FMO4: variants seen among roughly 807,000 people sequenced by gnomAD.
FMO4 encodes dimethylaniline monooxygenase [N-oxide-forming] 4.
A neutral mutation model predicts 43.3 loss-of-function variants in FMO4; 38 were observed. The observed-to-expected ratio is 0.88, with a 90% CI of 0.68 to 1.15. FMO4 has a LOEUF of 1.15. Ranked by LOEUF, FMO4 falls within the 50% of genes most tolerant of loss-of-function variation. The pLI is 0.00. For missense variants in FMO4, 631 were observed against 663.3 expected (o/e 0.95, Z 0.54); for synonymous variants, 224 against 232.2 (o/e 0.96, Z 0.32).
At chr1:171,324,472 T>A (rs1662578392) in intron 5 of FMO4, among the ~76,000 whole-genome samples, 172 bp downstream of exon 5, 1 of 152,320 alleles carries the variant, frequency 6.6e-6, no homozygotes, top group South Asian at 2.1e-4. Flanking sequence ...TATGTAGGTG[T>A]CAGGTCTTAT....
chr1:171,320,887 G>T (rs973679648), intron 3 of FMO4, among the ~76,000 whole-genome samples: 2 of 152,100 alleles, frequency 1.3e-5, no homozygotes, highest in Non-Finnish European at 2.9e-5. Context: ...TGCTATAGGG[G>T]AAAAGAAGAG....
intron 1 of FMO4, among the ~76,000 whole-genome samples, chr1:171,314,793 GGAT>G (rs1662129198): frequency 6.6e-6 from 1 of 152,102 alleles, no homozygotes; most frequent in African/African-American, 2.4e-5. Context: ...GAGCATGGTA[GGAT>G]GATGATAAGA....
At chr1:171,328,994 A>G (rs772251594) in intron 5 of FMO4, among the ~76,000 whole-genome samples, 4 of 152,182 alleles carry the variant, frequency 2.6e-5, no homozygotes, top group African/African-American at 4.8e-5. Context: ...AACTGTATGT[A>G]ATGTAAAAGC....
chr1:171,332,558 C>T, intron 6 of FMO4, 151 bp from the exon 7 acceptor site: 1 of 570,940 alleles, frequency 1.8e-6, no homozygotes, highest in Non-Finnish European at 3.1e-6. Context: ...GCAATAGGAA[C>T]AGATAATCGT....
chr1:171,330,940 CA>C (rs1360636081), intron 5 of FMO4, among the ~76,000 whole-genome samples: 3 of 152,102 alleles, frequency 2.0e-5, no homozygotes, highest in Admixed American at 6.5e-5. Context: ...GAATAAAACA[CA>C]AATAAGCATA....
chr1:171,327,258 T>G (rs371028348), intron 5 of FMO4, among the ~76,000 whole-genome samples: 20 of 152,196 alleles, frequency 1.3e-4, no homozygotes, highest in African/African-American at 4.8e-4. Context: ...GAAAATCCCC[T>G]TCAAATGCCT....
Position 171,334,766 on chromosome 1 carries a change from A to G in FMO4, c.1180+3A>G, listed in dbSNP as rs369013232. The G allele has an allele frequency of 4.9e-4, 732 of 1,503,718 alleles. No individual in the cohort carries two copies. The highest frequency in any genetic ancestry group is 2.0e-3 in the Middle Eastern group (11 of 5,638). 93.1% of individuals were successfully genotyped at this position (1,503,718 alleles called of 1,614,324 possible). A position where few individuals can be genotyped will look rare whatever the true frequency, so the allele number is the denominator to read the frequency against. ...ATGGGTCACAAGAGTATTCAAAGGT[A>G]CCATGACTCTACTGAAAGTCCTCTC... On this transcript the variant is annotated splice_donor_region_variant and intron_variant, in intron 8 of 9. Transcript: ENST00000367749.
chr1:171,330,442 A>AC (rs1223845527), intron 5 of FMO4, among the ~76,000 whole-genome samples: 1 of 152,154 alleles, frequency 6.6e-6, no homozygotes, highest in African/African-American at 2.4e-5. Context: ...ATAAAGACAC[A>AC]CCCAAGACTG....
At chr1:171,328,023 T>C (rs747965455) in intron 5 of FMO4, among the ~76,000 whole-genome samples, 2 of 152,024 alleles carry the variant, frequency 1.3e-5, no homozygotes, top group Non-Finnish European at 2.9e-5. Flanking sequence ...TACATCCCCA[T>C]TAGAGGACAA....
chr1:171,318,316 A>AAATAATAATAATAAT lies in FMO4; in HGVS notation c.-8-1488_-8-1474dup, dbSNP rs536741358. On this transcript the variant is annotated intron_variant, in intron 2 of 9. Transcript: ENST00000367749. ...TGGGTGACAGAGCAAGACTGTCTCA[A>AAATAATAATAATAAT]AATAATAATAATAATAATAATAATA... Among the ~76,000 whole-genome samples, 1,199 of 149,012 alleles carry AAATAATAATAATAAT rather than the reference A, an allele frequency of 8.0e-3. 14 individuals carry two copies. Among genetic ancestry groups the AAATAATAATAATAAT allele is most frequent in the African/African-American group, 0.029 (1,140 of 39,854 alleles).
chr1:171,319,921 G>A lies in FMO4; in HGVS notation c.96G>A (p.Glu32=). 1 of 1,613,926 alleles carries A rather than the reference G, an allele frequency of 6.2e-7. No individual in the cohort carries two copies. Among genetic ancestry groups the A allele is most frequent in the Non-Finnish European group, 8.5e-7 (1 of 1,179,828 alleles). The part of the protein sequence containing the change: ...VDEDLEPTCF[E]RSDDIGGLWK... ...AGGACCTGGAGCCCACCTGCTTTGA[G>A]AGAAGTGATGACATTGGGGGATTAT... The change falls in exon 3 of 10, where the codon GAG becomes GAA. Residue 32 remains glutamate, a synonymous_variant. Coordinates refer to ENST00000367749, the MANE Select transcript of FMO4 (RefSeq NM_002022.3).
At chr1:171,317,715 T>A (rs937188003) in intron 2 of FMO4, among the ~76,000 whole-genome samples, 1 of 152,194 alleles carries the variant, frequency 6.6e-6, no homozygotes, top group African/African-American at 2.4e-5. Context: ...ATATCCCTTA[T>A]GACGTTCCTT....
At chr1:171,337,962 C>T (rs1353237530) in intron 9 of FMO4, among the ~76,000 whole-genome samples, 11 of 152,048 alleles carry the variant, frequency 7.2e-5, no homozygotes, top group Admixed American at 1.3e-4. Flanking sequence ...CTCTAGATAG[C>T]TCCACTTAGA....
At position 171,337,365 on chromosome 1, in the gene FMO4, A is replaced by G; in HGVS notation, c.1190A>G (p.Lys397Arg). 6.2e-7 allele frequency: 1 copy of G among 1,610,860 alleles called. No homozygotes were observed. Among genetic ancestry groups the G allele is most frequent in the Non-Finnish European group, 8.5e-7 (1 of 1,177,068 alleles). The part of the protein sequence containing the change: ...WVTRVFKGLC[K>R]IPPSQKLMME... Reference sequence around the variant, plus strand: ...GTGATTTTTCCCACAGGACTCTGTAAGATACCTCCATCCCAAAAATTGATG... The same window carrying G: ...GTGATTTTTCCCACAGGACTCTGTAGGATACCTCCATCCCAAAAATTGATG... Residue 397 changes from lysine to arginine, a missense_variant, in exon 9 of 10, where the codon AAG becomes AGG. Coordinates refer to ENST00000367749, the MANE Select transcript of FMO4 (RefSeq NM_002022.3).
In FMO4 at chr1:171,325,817, C is replaced by CTTTTTTTTTTTT. The variant is rs869107866; in HGVS notation, c.484+1554_484+1565dup. ...TAAATTCAGTTCCACATAGACTATC[C>CTTTTTTTTTTTT]TTTTTTTTTTTTTTTTTTTTTTTTT... is the stretch of plus-strand genomic sequence containing the variant. On this transcript the variant is annotated intron_variant, in intron 5 of 9. Transcript: ENST00000367749. Among the ~76,000 whole-genome samples, 11 of 51,032 alleles carry CTTTTTTTTTTTT rather than the reference C, an allele frequency of 2.2e-4. 3 individuals are homozygous for CTTTTTTTTTTTT. The highest frequency in any genetic ancestry group is 3.2e-4 in the Admixed American group (1 of 3,122). 33.5% of individuals were successfully genotyped at this position (51,032 alleles called of 152,430 possible). A position where few individuals can be genotyped will look rare whatever the true frequency, so the allele number is the denominator to read the frequency against.
rs532172521 is a variant in FMO4, at chr1:171,314,358, T to C, written c.-206T>C. On this transcript the variant is annotated 5_prime_UTR_variant, in exon 1 of 10. Transcript: ENST00000367749. ...TTTTTTAAAAAAAAAAGACAAACAC[T>C]TTCCTTGACTTTGAGAAATAATTTA... 2.6e-5 allele frequency: 4 copies of C among 152,212 alleles called. No individual in the cohort carries two copies. Among genetic ancestry groups the C allele is most frequent in the South Asian group, 2.1e-4 (1 of 4,810 alleles). The allele number at this position is 152,212 out of a possible 1,614,324, so 9.4% of individuals were successfully genotyped here.
At chr1:171,339,893 T>G (rs1267041736) in intron 9 of FMO4, among the ~76,000 whole-genome samples, 3 of 152,110 alleles carry the variant, frequency 2.0e-5, no homozygotes, top group African/African-American at 4.8e-5. Flanking sequence ...ATTGAGAAGA[T>G]TTACAACAAA....
Position 171,319,953 on chromosome 1 carries a change from TTACTG to T in FMO4, c.132_132+4del. 1 of 1,613,760 alleles carries T rather than the reference TTACTG, an allele frequency of 6.2e-7. No homozygotes were observed. Among genetic ancestry groups the T allele is most frequent in the Non-Finnish European group, 8.5e-7 (1 of 1,179,728 alleles). On this transcript the variant is annotated splice_donor_variant and coding_sequence_variant, in exon 3 of 10. Transcript: ENST00000367749. LOFTEE classifies it high-confidence loss of function. ...GATGACATTGGGGGATTATGGAAGTTTACTGTACGTGGTTCATCTCTATCAGTCAT... is the reference window on the plus strand; with the variant it reads ...GATGACATTGGGGGATTATGGAAGTTTACGTGGTTCATCTCTATCAGTCAT...
At position 171,332,694 on chromosome 1, in the gene FMO4, T is replaced by C. The variant is rs1294779648; in HGVS notation, c.628-15T>C. 3 of 1,597,504 alleles carry C rather than the reference T, an allele frequency of 1.9e-6. No individual in the cohort carries two copies. The highest frequency in any genetic ancestry group is 2.6e-6 in the Non-Finnish European group (3 of 1,167,330). On this transcript the variant is annotated splice_polypyrimidine_tract_variant and intron_variant, in intron 6 of 9. Transcript: ENST00000367749. ...GAACATTTATTTATCCTTCTTGCCT[T>C]ACTTTACTTTTTAGGTACTTCTCAG...
Sources: gnomAD v4.1 joint callset for allele counts (sites outside exome capture counted in the v4.1 genomes callset) on GRCh38, gnomAD v4.1.1 for gene constraint, MANE v1.5 for transcripts, NCBI Gene and HGNC (gene_info 2026-07-23, HGNC 2026-07-21) for gene names.